Variants in TMEM117 observed in about 807,000 individuals in gnomAD.
TMEM117 encodes transmembrane protein 117.
Under a neutral mutation model 52.4 loss-of-function variants are expected in TMEM117, and 27 were observed. The observed-to-expected ratio is 0.51, with a 90% CI of 0.38 to 0.71. The LOEUF is 0.71. TMEM117 is among the 30% of genes least tolerant of loss of function. TMEM117 has a pLI of 0.00. For synonymous variants in TMEM117, 215 were observed against 206.3 expected, an observed-to-expected ratio of 1.04 and a Z score of -0.36; for missense variants, 556 against 630.5, an observed-to-expected ratio of 0.88 and a Z score of 1.26.
chr12:44,310,086 AT>A (rs1037422365), intron 6 of TMEM117, among the ~76,000 whole-genome samples: 1 of 151,990 alleles, frequency 6.6e-6, no homozygotes, highest in South Asian at 2.1e-4. Flanking sequence ...GTGATGGTCA[AT>A]TTTTTTTAAA....
chr12:44,197,035 A>G (rs1949430086), intron 4 of TMEM117, among the ~76,000 whole-genome samples: 1 of 152,204 alleles, frequency 6.6e-6, no homozygotes, highest in African/African-American at 2.4e-5. Flanking sequence ...GATAAGTGGT[A>G]TTATGCAAAC....
chr12:44,116,406 A>G (rs1352254426), intron 3 of TMEM117, among the ~76,000 whole-genome samples: 2 of 150,628 alleles, frequency 1.3e-5, no homozygotes, highest in African/African-American at 4.9e-5. Flanking sequence ...CAAACTGCAA[A>G]CTGCACTTCT....
intron 6 of TMEM117, among the ~76,000 whole-genome samples, chr12:44,324,270 T>C (rs538875069): frequency 6.6e-6 from 1 of 152,156 alleles, no homozygotes; most frequent in South Asian, 2.1e-4. Context: ...TTCTTTTCTT[T>C]CCCCTTCTTT....
intron 6 of TMEM117, among the ~76,000 whole-genome samples, chr12:44,356,883 A>G (rs1951656598): frequency 6.6e-6 from 1 of 152,104 alleles, no homozygotes; most frequent in Non-Finnish European, 1.5e-5. Context: ...CTTCGTTGTT[A>G]TAGTCATCTT....
intron 3 of TMEM117, among the ~76,000 whole-genome samples, chr12:44,027,508 G>A (rs1255743060): frequency 6.6e-6 from 1 of 152,058 alleles, no homozygotes. Flanking sequence ...TTTTAAAAGA[G>A]GATAGAATAG....
At chr12:44,365,486 A>T (rs1192506614) in intron 6 of TMEM117, among the ~76,000 whole-genome samples, 1 of 152,010 alleles carries the variant, frequency 6.6e-6, no homozygotes, top group African/African-American at 2.4e-5. Flanking sequence ...TAAACAAAAG[A>T]AGTCTTTTCA....
intron 2 of TMEM117, among the ~76,000 whole-genome samples, chr12:43,920,108 T>C (rs570840376): frequency 6.6e-6 from 1 of 152,254 alleles, no homozygotes; most frequent in South Asian, 2.1e-4. Flanking sequence ...ATTTCCCCAG[T>C]TTCCTGAGTT....
intron 3 of TMEM117, among the ~76,000 whole-genome samples, chr12:43,953,372 C>T (rs543160028): frequency 6.6e-6 from 1 of 152,106 alleles, no homozygotes; most frequent in Non-Finnish European, 1.5e-5. Context: ...GATACAAAGA[C>T]AAGACCCACC....
intron 7 of TMEM117, among the ~76,000 whole-genome samples, chr12:44,384,668 G>A (rs73092503): frequency 0.034 from 5,097 of 152,124 alleles, 101 homozygotes; most frequent in Middle Eastern, 0.13. Flanking sequence ...ATTATTGTTG[G>A]TATTTAGTAA....
chr12:43,937,824 A>G (rs1944977688), intron 2 of TMEM117, among the ~76,000 whole-genome samples: 1 of 152,170 alleles, frequency 6.6e-6, no homozygotes, highest in Non-Finnish European at 1.5e-5. Context: ...AAGAAGATCA[A>G]TCTGGTCTCT....
At chr12:43,799,492 G>A in the TMEM117 span, 26 of 1,593,402 alleles carry the variant, frequency 1.6e-5, no homozygotes, top group Non-Finnish European at 2.1e-5. Flanking sequence ...TCCATGTAAT[G>A]ATACATCTTC....
At chr12:43,963,526 G>A (rs1483084095) in intron 3 of TMEM117, among the ~76,000 whole-genome samples, 1 of 152,172 alleles carries the variant, frequency 6.6e-6, no homozygotes, top group African/African-American at 2.4e-5. Context: ...GTTAATACAG[G>A]GCTCAGCAGA....
intron 4 of TMEM117, among the ~76,000 whole-genome samples, chr12:44,189,976 C>G (rs77847856): frequency 0.017 from 2,658 of 152,164 alleles, 60 homozygotes; most frequent in East Asian, 0.057. Context: ...AGGCCTATGC[C>G]AAAATATGAT....
At chr12:44,315,052 A>G (rs1262107779) in intron 6 of TMEM117, among the ~76,000 whole-genome samples, 9 of 152,202 alleles carry the variant, frequency 5.9e-5, no homozygotes, top group Admixed American at 5.9e-4. Flanking sequence ...AGAGGTGTTC[A>G]TAATATTCTC....
At chr12:44,378,254 A>T (rs1951970298) in intron 7 of TMEM117, among the ~76,000 whole-genome samples, 1 of 152,146 alleles carries the variant, frequency 6.6e-6, no homozygotes, top group South Asian at 2.1e-4. Flanking sequence ...GGAAAAAAAA[A>T]TGGAGAGCCC....
intron 6 of TMEM117, among the ~76,000 whole-genome samples, chr12:44,311,791 ATATATG>A (rs1317848090): frequency 1.1e-3 from 16 of 14,064 alleles, no homozygotes; most frequent in Non-Finnish European, 5.8e-4. Flanking sequence ...ATATATGTAT[ATATATG>A]TATATATGTA....
chr12:43,810,619 A>G, the TMEM117 span, among the ~76,000 whole-genome samples: 1 of 152,286 alleles, frequency 6.6e-6, no homozygotes, highest in East Asian at 1.9e-4. Flanking sequence ...TGTATTTTTT[A>G]AAATAAATTC....
chr12:43,820,088 A>G, the TMEM117 span, among the ~76,000 whole-genome samples: 1 of 151,830 alleles, frequency 6.6e-6, no homozygotes, highest in Admixed American at 6.6e-5. Context: ...ACAGGGTGTA[A>G]TTACAGGTGT....
chr12:44,181,076 T>G lies in TMEM117; in HGVS notation c.511-30214T>G, dbSNP rs1486134636. ...GGTGTAAAATGGTATCTCATTGTGG[T>G]TTTGATTTGCATTTCTCTGATGGCC... On this transcript the variant is annotated intron_variant, in intron 4 of 7. Transcript: ENST00000266534. Among the ~76,000 whole-genome samples the G allele has an allele frequency of 5.9e-5, 9 of 152,290 alleles. No individual in the cohort carries two copies. The East Asian group carries it at 1.4e-3, about 23-fold the overall frequency.
Sources: gnomAD v4.1 joint callset for allele counts (sites outside exome capture counted in the v4.1 genomes callset) on GRCh38, gnomAD v4.1.1 for gene constraint, MANE v1.5 for transcripts, NCBI Gene and HGNC (gene_info 2026-07-23, HGNC 2026-07-21) for gene names.